Variants in ABCD3 observed in about 807,000 individuals in gnomAD.
ABCD3 encodes ATP binding cassette subfamily D member 3, also known as ATP-binding cassette sub-family D member 3.
A neutral mutation model predicts 105.5 loss-of-function variants in ABCD3; 41 were observed. That is an observed-to-expected ratio of 0.39 (90% confidence interval 0.30 to 0.50). The LOEUF (loss-of-function observed/expected upper bound fraction) is 0.50. Among genes scored for constraint, ABCD3 ranks in the 20% least tolerant of loss-of-function variants. The probability of loss-of-function intolerance (pLI) is 0.84; values close to 1 mark genes in which losing one functional copy is unlikely to be tolerated. For missense variants in ABCD3, 622 were observed against 806.3 expected (o/e 0.77, Z 2.77); for synonymous variants, 258 against 269.0 (o/e 0.96, Z 0.40).
chr1:94,396,949 A>G, the ABCD3 span, among the ~76,000 whole-genome samples: 899 of 152,328 alleles, frequency 5.9e-3, 9 homozygotes, highest in African/African-American at 0.02. Context: ...TTCAAGAAAA[A>G]AAGTGTATAT....
intron 1 of ABCD3, among the ~76,000 whole-genome samples, chr1:94,422,060 G>A (rs1036592636): frequency 6.6e-6 from 1 of 152,072 alleles, no homozygotes; most frequent in African/African-American, 2.4e-5. Context: ...GAGCCAACTT[G>A]CCCAGCTGAT....
intron 21 of ABCD3, among the ~76,000 whole-genome samples, chr1:94,509,020 A>G (rs531897976): frequency 4.6e-5 from 7 of 152,206 alleles, no homozygotes; most frequent in African/African-American, 7.2e-5. Flanking sequence ...TTCCAACACT[A>G]TGTTGAATAG....
intron 8 of ABCD3, among the ~76,000 whole-genome samples, chr1:94,479,043 G>A (rs1364610756): frequency 6.6e-6 from 1 of 152,146 alleles, no homozygotes; most frequent in African/African-American, 2.4e-5. Flanking sequence ...ATATGTGTAT[G>A]TGTGTATATG....
At chr1:94,420,629 G>C (rs151293969) in intron 1 of ABCD3, among the ~76,000 whole-genome samples, 2 of 152,186 alleles carry the variant, frequency 1.3e-5, no homozygotes, top group African/African-American at 4.8e-5. Context: ...AAATTGTTGA[G>C]GTGAAATGAT....
chr1:94,400,272 G>T, the ABCD3 span, among the ~76,000 whole-genome samples: 1 of 151,992 alleles, frequency 6.6e-6, no homozygotes, highest in Non-Finnish European at 1.5e-5. Context: ...AGTCCAGCTT[G>T]GTGGCAGCTG....
intron 20 of ABCD3, among the ~76,000 whole-genome samples, chr1:94,503,917 T>TC: frequency 6.9e-6 from 1 of 145,694 alleles, no homozygotes; most frequent in South Asian, 2.3e-4. Context: ...TTTTTTTTTT[T>TC]TTTTTTTTTT....
At chr1:94,481,228 A>G (rs1174058913) in intron 9 of ABCD3, among the ~76,000 whole-genome samples, 2 of 152,196 alleles carry the variant, frequency 1.3e-5, no homozygotes, top group African/African-American at 2.4e-5. Flanking sequence ...AGTTTTTTAT[A>G]TGGAGCAACT....
At chr1:94,404,283 A>C in the ABCD3 span, among the ~76,000 whole-genome samples, 3 of 152,308 alleles carry the variant, frequency 2.0e-5, no homozygotes, top group Non-Finnish European at 4.4e-5. Flanking sequence ...TACTAGAATA[A>C]ACAAGTCTAC....
intron 1 of ABCD3, among the ~76,000 whole-genome samples, chr1:94,436,337 G>T (rs2100901663): frequency 6.6e-6 from 1 of 152,304 alleles, no homozygotes; most frequent in African/African-American, 2.4e-5. Context: ...TCAAATTAGA[G>T]TATCACGGAA....
At chr1:94,500,683 C>T (rs1249726061) in intron 20 of ABCD3, among the ~76,000 whole-genome samples, 1 of 152,046 alleles carries the variant, frequency 6.6e-6, no homozygotes, top group Non-Finnish European at 1.5e-5. Flanking sequence ...GGTTATATTC[C>T]ACCTTTTTGT....
chr1:94,446,361 C>T (rs896441857), intron 1 of ABCD3, among the ~76,000 whole-genome samples: 7 of 143,314 alleles, frequency 4.9e-5, no homozygotes, highest in Non-Finnish European at 6.4e-5. Flanking sequence ...AGTCTGTGGA[C>T]CCTTGCCAGC....
chr1:94,487,425 C>T lies in ABCD3; in HGVS notation c.898-117C>T, dbSNP rs779568414. On this transcript the variant is annotated intron_variant, in intron 10 of 22. Transcript: ENST00000370214. Reference sequence around the variant, plus strand: ...ATAAACAGAATATAAACAGAAATCACGGGCACTCAGTAAATATTTGTTGAA... The same window carrying T: ...ATAAACAGAATATAAACAGAAATCATGGGCACTCAGTAAATATTTGTTGAA... 5.5e-5 allele frequency: 49 copies of T among 891,448 alleles called. 1 individual carries two copies. The highest frequency in any genetic ancestry group is 1.0e-4 in the Admixed American group (5 of 48,960). 55.2% of individuals were successfully genotyped at this position (891,448 alleles called of 1,614,324 possible).
At chr1:94,495,777 T>G (rs1649769549) in intron 16 of ABCD3, among the ~76,000 whole-genome samples, 1 of 152,174 alleles carries the variant, frequency 6.6e-6, no homozygotes, top group Admixed American at 6.5e-5. Flanking sequence ...ATTACTCAAA[T>G]AAAACGTAGC....
At chr1:94,508,582 C>A (rs1650487109) in intron 21 of ABCD3, among the ~76,000 whole-genome samples, 1 of 150,422 alleles carries the variant, frequency 6.6e-6, no homozygotes, top group Non-Finnish European at 1.5e-5. Flanking sequence ...TTACCTTGGG[C>A]AGTATGGCCA....
upstream of ABCD3, among the ~76,000 whole-genome samples, chr1:94,414,991 T>G (rs532478400): frequency 6.6e-6 from 1 of 152,254 alleles, no homozygotes; most frequent in East Asian, 1.9e-4. Context: ...GAGGATCTGC[T>G]TCCAAGATGG....
intron 4 of ABCD3, among the ~76,000 whole-genome samples, chr1:94,473,329 A>G (rs542368674): frequency 1.3e-5 from 2 of 152,164 alleles, no homozygotes; most frequent in African/African-American, 2.4e-5. Context: ...GCTGATCCCC[A>G]TTAAGTCTGT....
intron 10 of ABCD3, among the ~76,000 whole-genome samples, chr1:94,484,010 A>G (rs1649159087): frequency 6.6e-6 from 1 of 152,256 alleles, no homozygotes; most frequent in Non-Finnish European, 1.5e-5. Flanking sequence ...AAAAGAAGAC[A>G]TTTATGCAGC....
chr1:94,499,366 T>G (rs1649983025), intron 19 of ABCD3, 129 bp from the exon 20 acceptor site: 2 of 1,118,912 alleles, frequency 1.8e-6, no homozygotes, highest in Non-Finnish European at 2.6e-6. Flanking sequence ...GCCACATTCT[T>G]TTCTGAAATG....
the ABCD3 span, among the ~76,000 whole-genome samples, chr1:94,389,509 C>T: frequency 3.9e-4 from 59 of 152,330 alleles, no homozygotes; most frequent in African/African-American, 1.3e-3. Flanking sequence ...AGCCAGACCC[C>T]TCCCTTTGTT....
Sources: gnomAD v4.1 joint callset for allele counts (sites outside exome capture counted in the v4.1 genomes callset) on GRCh38, gnomAD v4.1.1 for gene constraint, MANE v1.5 for transcripts, NCBI Gene and HGNC (gene_info 2026-07-23, HGNC 2026-07-21) for gene names.